The following COL24A1 variants were observed in gnomAD, a reference collection of about 807,000 sequenced individuals.
COL24A1 encodes collagen alpha-1(XXIV) chain.
COL24A1 carries 224 observed loss-of-function variants against 253.9 expected under a neutral mutation model. The observed-to-expected ratio is 0.88, with a 90% confidence interval of 0.79 to 0.99. The LOEUF is 0.99. Among genes scored for constraint, COL24A1 ranks in the 50% least tolerant of loss-of-function variants. The pLI is 0.00. For synonymous variants in COL24A1, 685 were observed against 673.7 expected (o/e 1.02, Z -0.26); for missense variants, 2,131 against 2,068.5 (o/e 1.03, Z -0.59).
At chr1:85,950,775 A>G (rs374567983) in intron 24 of COL24A1, among the ~76,000 whole-genome samples, 11 of 152,232 alleles carry the variant, frequency 7.2e-5, no homozygotes, top group African/African-American at 2.4e-4. Context: ...AGAAACATGT[A>G]TAAAATACAG....
chr1:86,089,077 A>G (rs1306784690), intron 7 of COL24A1, 97 bp downstream of exon 7: 3 of 928,812 alleles, frequency 3.2e-6, no homozygotes, highest in Non-Finnish European at 4.8e-6. Flanking sequence ...AGATCCATAT[A>G]TCATCCAATT....
At chr1:85,981,954 G>C (rs1458163500) in intron 20 of COL24A1, among the ~76,000 whole-genome samples, 1 of 152,088 alleles carries the variant, frequency 6.6e-6, no homozygotes, top group Non-Finnish European at 1.5e-5. Flanking sequence ...GATATAAACA[G>C]GATATTTGCA....
chr1:85,819,367 A>G (rs1673368480), intron 45 of COL24A1, among the ~76,000 whole-genome samples: 1 of 152,216 alleles, frequency 6.6e-6, no homozygotes, highest in Admixed American at 6.5e-5. Flanking sequence ...TATGAATCAT[A>G]ATATGCAATT....
intron 24 of COL24A1, among the ~76,000 whole-genome samples, chr1:85,926,010 AAAGG>A (rs1687159362): frequency 6.6e-6 from 1 of 152,220 alleles, no homozygotes; most frequent in South Asian, 2.1e-4. Flanking sequence ...ACAAGTGGGC[AAAGG>A]ATATGAACAG....
intron 19 of COL24A1, among the ~76,000 whole-genome samples, chr1:86,013,553 G>C (rs143748120): frequency 6.6e-6 from 1 of 152,286 alleles, no homozygotes; most frequent in Non-Finnish European, 1.5e-5. Context: ...ACCAAAAACT[G>C]GGCCAGACAT....
At chr1:85,816,216 A>T (rs2101922541) in intron 47 of COL24A1, among the ~76,000 whole-genome samples, 1 of 152,280 alleles carries the variant, frequency 6.6e-6, no homozygotes, top group Non-Finnish European at 1.5e-5. Context: ...TATTATAGAC[A>T]TGGATTTGCT....
intron 12 of COL24A1, among the ~76,000 whole-genome samples, chr1:86,044,218 T>C (rs144451913): frequency 5.3e-5 from 8 of 152,274 alleles, no homozygotes; most frequent in Admixed American, 4.6e-4. Flanking sequence ...AATCCTATGG[T>C]GCATAATACC....
chr1:86,061,173 T>C (rs1240818836), intron 8 of COL24A1, among the ~76,000 whole-genome samples: 2 of 152,006 alleles, frequency 1.3e-5, no homozygotes, highest in Non-Finnish European at 2.9e-5. Context: ...TAGTGTGAGT[T>C]TGAAGTGCAA....
chr1:86,084,909 G>T (rs1702946926), intron 7 of COL24A1, among the ~76,000 whole-genome samples: 1 of 152,082 alleles, frequency 6.6e-6, no homozygotes, highest in Non-Finnish European at 1.5e-5. Flanking sequence ...CCAAGCAGCG[G>T]CATTTGTATT....
chr1:86,078,484 G>C (rs934013036), intron 7 of COL24A1, among the ~76,000 whole-genome samples: 2 of 151,926 alleles, frequency 1.3e-5, no homozygotes, highest in African/African-American at 4.8e-5. Flanking sequence ...AAAAATAAAG[G>C]GCATCCAAAT....
intron 51 of COL24A1, among the ~76,000 whole-genome samples, chr1:85,781,575 T>C (rs892383222): frequency 6.6e-6 from 1 of 152,178 alleles, no homozygotes; most frequent in Non-Finnish European, 1.5e-5. Context: ...ATGTATGTTA[T>C]ATAACAAATA....
chr1:85,779,380 A>T (rs933457046), intron 52 of COL24A1, among the ~76,000 whole-genome samples: 1 of 152,050 alleles, frequency 6.6e-6, no homozygotes, highest in Non-Finnish European at 1.5e-5. Context: ...ATAGTACTTT[A>T]TGTCATTTTT....
Position 85,818,037 on chromosome 1 carries a change from A to G in COL24A1, c.3840T>C (p.Ile1280=), listed in dbSNP as rs760587766. The G allele has an allele frequency of 6.2e-7, 1 of 1,613,512 alleles. No homozygotes were observed. The highest frequency in any genetic ancestry group is 8.5e-7 in the Non-Finnish European group (1 of 1,179,508). ...ATGAAAGAGGCCTGTTACTTACAGGAATCCCAGGTTTCCCAGAAGGACCAG... is the reference window on the plus strand; with the variant it reads ...ATGAAAGAGGCCTGTTACTTACAGGGATCCCAGGTTTCCCAGAAGGACCAG... The part of the protein sequence containing the change: ...GAPGPSGKPG[I]PGLQGLLGPK... Residue 1280 remains isoleucine (I), a synonymous_variant, in exon 46 of 60, where the codon ATT becomes ATC. Transcript: ENST00000370571.
intron 18 of COL24A1, 23 bp downstream of exon 18, chr1:86,022,217 G>A: frequency 2.5e-6 from 4 of 1,609,058 alleles, no homozygotes; most frequent in Non-Finnish European, 3.4e-6. Context: ...ATTACAAAGA[G>A]CAAAGCAAAA....
At position 85,847,708 on chromosome 1, in the gene COL24A1, C is replaced by G; in HGVS notation, c.3419G>C (p.Gly1140Ala). The G allele has an allele frequency of 1.2e-6, 2 of 1,613,834 alleles. No individual in the cohort carries two copies. Among genetic ancestry groups the G allele is most frequent in the Non-Finnish European group, 1.7e-6 (2 of 1,179,856 alleles). The change falls in exon 39 of 60, where the codon GGG (glycine) becomes GCG (alanine). Residue 1140 changes from glycine (G) to alanine (A), a missense_variant. Gly to Ala is a moderately conservative substitution (Grantham distance 60, BLOSUM62 0). Coordinates refer to ENST00000370571, the MANE Select transcript of COL24A1 (RefSeq NM_152890.7). ...TCTGGCACCCTTAGGACCACTTTTC[C>G]CAATTTTTCCAGGAGGACCTCTGCT... ...VGSRGPPGKI[G>A]KSGPKGARGT...
chr1:86,077,588 C>A (rs1269987682), intron 7 of COL24A1, among the ~76,000 whole-genome samples: 2 of 152,074 alleles, frequency 1.3e-5, no homozygotes, highest in Non-Finnish European at 2.9e-5. Context: ...GGAACCAACG[C>A]AAATGCCCAT....
rs1700424013 is a variant in COL24A1, at chr1:86,053,010, A to G, written c.1852-2833T>C. ...AGGGAGAGAGAGAATTTGTTCCTTT[A>G]TACATAACTTTAATAAAGTGAAACA... On this transcript the variant is annotated intron_variant, in intron 10 of 59. Coordinates refer to ENST00000370571, the MANE Select transcript of COL24A1 (RefSeq NM_152890.7). 1.3e-5 allele frequency among the ~76,000 whole-genome samples: 2 copies of G among 152,106 alleles called. 1 individual carries two copies. The highest frequency in any genetic ancestry group is 4.1e-4 in the South Asian group (2 of 4,834).
intron 47 of COL24A1, among the ~76,000 whole-genome samples, chr1:85,812,040 A>G (rs1475794641): frequency 6.6e-6 from 1 of 152,190 alleles, no homozygotes; most frequent in Non-Finnish European, 1.5e-5. Context: ...TTTGGAATAC[A>G]GCTATGAGCT....
chr1:86,005,605 C>T (rs1439990757), intron 19 of COL24A1, among the ~76,000 whole-genome samples: 1 of 151,650 alleles, frequency 6.6e-6, no homozygotes, highest in African/African-American at 2.4e-5. Context: ...AAATAACAGA[C>T]CTTAATAATT....
Sources: allele counts gnomAD v4.1 joint callset (sites outside exome capture counted in the v4.1 genomes callset), GRCh38; gene constraint gnomAD v4.1.1; transcripts MANE v1.5; gene names NCBI Gene and HGNC (gene_info 2026-07-23, HGNC 2026-07-21).